GNG7: variants seen among roughly 807,000 people sequenced by gnomAD.
GNG7 encodes the protein guanine nucleotide-binding protein G(I)/G(S)/G(O) subunit gamma-7.
Under a neutral mutation model 4.0 loss-of-function variants are expected in GNG7, and 1 was observed. That is an observed-to-expected ratio of 0.25 (90% CI 0.09 to 1.18). The LOEUF (loss-of-function observed/expected upper bound fraction) is 1.18, where lower values mean the gene tolerates loss of function less well. Ranked by LOEUF, GNG7 falls within the 50% of genes most tolerant of loss-of-function variation. The probability of loss-of-function intolerance (pLI) is 0.50; values close to 1 mark genes in which losing one functional copy is unlikely to be tolerated. For missense variants in GNG7, 86 were observed against 91.9 expected (o/e 0.94, Z 0.26); for synonymous variants, 34 against 36.9 (o/e 0.92, Z 0.29).
intron 4 of GNG7, among the ~76,000 whole-genome samples, chr19:2,519,989 G>A (rs542506948): frequency 6.6e-6 from 1 of 152,170 alleles, no homozygotes; most frequent in Non-Finnish European, 1.5e-5. Flanking sequence ...AGACCAGCCT[G>A]GGCAACATGG....
chr19:2,533,443 T>C (rs909465390), intron 3 of GNG7, among the ~76,000 whole-genome samples: 7 of 152,230 alleles, frequency 4.6e-5, no homozygotes, highest in African/African-American at 1.7e-4. Flanking sequence ...AAATAACTTC[T>C]AGGGTGATGG....
intron 1 of GNG7, among the ~76,000 whole-genome samples, chr19:2,658,066 G>T (rs919981869): frequency 1.3e-5 from 2 of 152,132 alleles, no homozygotes; most frequent in African/African-American, 2.4e-5. Context: ...GGCCACTACC[G>T]GTCTTCATGT....
chr19:2,573,962 G>A (rs8110790), intron 2 of GNG7, among the ~76,000 whole-genome samples: 46,615 of 152,124 alleles, frequency 0.31, 8,731 homozygotes, highest in African/African-American at 0.54. Flanking sequence ...GGGACATACC[G>A]TGGGTGCCAC....
intron 2 of GNG7, among the ~76,000 whole-genome samples, chr19:2,571,138 CA>C (rs1377112961): frequency 1.3e-5 from 2 of 148,522 alleles, no homozygotes; most frequent in East Asian, 3.9e-4. Flanking sequence ...ACACATGCAC[CA>C]ATAACAGGAT....
intron 2 of GNG7, among the ~76,000 whole-genome samples, chr19:2,602,927 GT>G (rs1291041239): frequency 6.2e-5 from 4 of 64,504 alleles, no homozygotes; most frequent in African/African-American, 2.3e-4. Flanking sequence ...CTTTCTTTTT[GT>G]TTCTTCCTTT....
At chr19:2,593,758 T>C (rs1421920598) in intron 2 of GNG7, among the ~76,000 whole-genome samples, 8 of 147,488 alleles carry the variant, frequency 5.4e-5, no homozygotes, top group Non-Finnish European at 1.0e-4. Context: ...AAAAAAAAAA[T>C]TGCAAATACT....
chr19:2,642,665 T>C (rs1327208418), intron 2 of GNG7: 3 of 393,990 alleles, frequency 7.6e-6, no homozygotes, highest in African/African-American at 6.2e-5. Flanking sequence ...CATACCTGTC[T>C]AATTTTCTGT....
intron 3 of GNG7, among the ~76,000 whole-genome samples, chr19:2,528,622 G>A (rs953198555): frequency 1.6e-4 from 24 of 152,128 alleles, no homozygotes; most frequent in Non-Finnish European, 1.5e-4. Flanking sequence ...CCCCAGATGT[G>A]AGCCCCGTTG....
chr19:2,524,573 C>T (rs562396557), intron 3 of GNG7, among the ~76,000 whole-genome samples: 4 of 152,300 alleles, frequency 2.6e-5, no homozygotes, highest in African/African-American at 7.2e-5. Flanking sequence ...TGGGTGTGCA[C>T]GTCAGCATGC....
intron 1 of GNG7, among the ~76,000 whole-genome samples, chr19:2,660,486 C>T (rs117114279): frequency 0.016 from 2,421 of 152,250 alleles, 32 homozygotes; most frequent in Non-Finnish European, 0.025. Context: ...AGAAAGTAGA[C>T]GAGGCTGGGT....
In GNG7 at chr19:2,512,882, T is replaced by C. The variant is rs1266646492; in HGVS notation, c.*2140A>G. The C allele has an allele frequency of 2.0e-6, 2 of 984,408 alleles. No homozygotes were observed. Among genetic ancestry groups the C allele is most frequent in the Non-Finnish European group, 2.4e-6 (2 of 829,104 alleles). The allele number at this position is 984,408 out of a possible 1,614,324, so 61.0% of individuals were successfully genotyped here. A position where few individuals can be genotyped will look rare whatever the true frequency, so the allele number is the denominator to read the frequency against. On this transcript the variant is annotated 3_prime_UTR_variant, in exon 5 of 5. Transcript: ENST00000382159. The surrounding 1 kb of genome is among the most constrained non-coding windows in gnomAD (Gnocchi z 4.7). Reference sequence around the variant, plus strand: ...AACAGGCTTTTGTCCCTTCCTGCCATTCCTGCTATGCGTGGTGGGGACGCC... The same window carrying C: ...AACAGGCTTTTGTCCCTTCCTGCCACTCCTGCTATGCGTGGTGGGGACGCC...
chr19:2,532,172 A>AC (rs1568233718), intron 3 of GNG7, among the ~76,000 whole-genome samples: 3 of 150,746 alleles, frequency 2.0e-5, no homozygotes, highest in Non-Finnish European at 2.9e-5. Context: ...CAAAAAAAAA[A>AC]ACAAAAACCA....
chr19:2,683,537 C>T (rs1983795225), intron 1 of GNG7: 2 of 152,260 alleles, frequency 1.3e-5, no homozygotes, highest in African/African-American at 2.4e-5. Flanking sequence ...AAACGATGCT[C>T]AGGCCAAAGA....
chr19:2,673,183 G>A (rs1015772914), intron 1 of GNG7, among the ~76,000 whole-genome samples: 2 of 151,516 alleles, frequency 1.3e-5, no homozygotes, highest in Non-Finnish European at 2.9e-5. Context: ...CCGTGAACCC[G>A]GGAGGCGGAG....
chr19:2,643,746 G>A (rs948980795), intron 2 of GNG7: 17 of 414,862 alleles, frequency 4.1e-5, no homozygotes, highest in Non-Finnish European at 7.2e-5. Flanking sequence ...CACTGGGCAC[G>A]CTAATCTTCA....
rs1981753969 is a variant in GNG7, at chr19:2,617,560, C to T, written c.-78+28664G>A. Among the ~76,000 whole-genome samples the T allele has an allele frequency of 6.6e-6, 1 of 152,148 alleles. No homozygotes were observed. The highest frequency in any genetic ancestry group is 6.5e-5 in the Admixed American group (1 of 15,268). ...TCCCGTGGCTCCCAGACCTCCGCTT[C>T]CAGGGAGCCCTCCGGAATGTCCTTC... is the stretch of plus-strand genomic sequence containing the variant. On this transcript the variant is annotated intron_variant, in intron 2 of 4. Transcript: ENST00000382159. The surrounding 1 kb of genome is among the most constrained non-coding windows in gnomAD (Gnocchi z 4.7).
At position 2,546,726 on chromosome 19, in the gene GNG7, G is replaced by A. The variant is rs1051734182; in HGVS notation, c.-38+8423C>T. ...GACGACAGAGGGTGACGCGCCGCCA[G>A]TGTGGGTTTGGTCGCCGCGGTGACG... On this transcript the variant is annotated intron_variant, in intron 3 of 4. Coordinates refer to ENST00000382159, the MANE Select transcript of GNG7 (RefSeq NM_052847.3). This position sits in a 1 kb window ranked among gnomAD's most constrained non-coding sequence, Gnocchi z 6.3. 6.6e-5 allele frequency among the ~76,000 whole-genome samples: 10 copies of A among 152,220 alleles called. No homozygotes were observed. The highest frequency in any genetic ancestry group is 6.5e-4 in the Admixed American group (10 of 15,280).
rs10420764 is a variant in GNG7, at chr19:2,557,106, C to T, written c.-77-1918G>A. 6.6e-6 allele frequency among the ~76,000 whole-genome samples: 1 copy of T among 151,148 alleles called. No homozygotes were observed. The highest frequency in any genetic ancestry group is 1.5e-5 in the Non-Finnish European group (1 of 67,764). ...ACACGTGCACACAGGAATACTCAGA[C>T]ACACGCACACACGTACACACGTGTA... is the stretch of plus-strand genomic sequence containing the variant. On this transcript the variant is annotated intron_variant, in intron 2 of 4. Coordinates refer to ENST00000382159, the MANE Select transcript of GNG7 (RefSeq NM_052847.3). This position sits in a 1 kb window ranked among gnomAD's most constrained non-coding sequence, Gnocchi z 5.1.
chr19:2,516,108 C>T (rs1303178313), intron 4 of GNG7, among the ~76,000 whole-genome samples: 2 of 151,760 alleles, frequency 1.3e-5, no homozygotes, highest in Non-Finnish European at 2.9e-5. Flanking sequence ...TCCCAGCTAA[C>T]TGGGGGGCTG....
Sources: allele counts gnomAD v4.1 joint callset (sites outside exome capture counted in the v4.1 genomes callset), GRCh38; gene constraint gnomAD v4.1.1; non-coding constraint Gnocchi (gnomAD v3.1); transcripts MANE v1.5; gene names NCBI Gene and HGNC (gene_info 2026-07-23, HGNC 2026-07-21).